PEAK1: variants seen among roughly 807,000 people sequenced by gnomAD.
The protein encoded by PEAK1 is pseudopodium enriched atypical kinase 1, also known as inactive tyrosine-protein kinase PEAK1.
A neutral mutation model predicts 124.7 loss-of-function variants in PEAK1; 54 were observed. The observed-to-expected ratio is 0.43, with a 90% confidence interval of 0.35 to 0.54. The LOEUF (loss-of-function observed/expected upper bound fraction) is 0.54. Ranked by LOEUF, PEAK1 falls within the 20% of genes least tolerant of loss-of-function variation. The probability of loss-of-function intolerance (pLI) is 0.01; values close to 1 mark genes in which losing one functional copy is unlikely to be tolerated. For synonymous variants in PEAK1, 719 were observed against 760.0 expected (o/e 0.95, Z 0.89); for missense variants, 2,046 against 2,134.5 (o/e 0.96, Z 0.82).
chr15:77,166,344 A>C (rs1371934283), intron 7 of PEAK1, among the ~76,000 whole-genome samples: 1 of 152,250 alleles, frequency 6.6e-6, no homozygotes, highest in East Asian at 1.9e-4. Context: ...AATAGTGGCC[A>C]AAATTTACAT....
chr15:77,212,942 A>G (rs1365161335), intron 6 of PEAK1, among the ~76,000 whole-genome samples: 1 of 152,208 alleles, frequency 6.6e-6, no homozygotes, highest in East Asian at 1.9e-4. Context: ...GTTCAGTGTT[A>G]GCAAAAGTGA....
At chr15:77,392,346 A>G (rs2070538702) in intron 1 of PEAK1, among the ~76,000 whole-genome samples, 1 of 152,250 alleles carries the variant, frequency 6.6e-6, no homozygotes, top group Non-Finnish European at 1.5e-5. Flanking sequence ...CTATGTGAAA[A>G]AAGAGTAATA....
At chr15:77,404,082 T>C (rs1364027034) in intron 1 of PEAK1, 1 of 984,952 alleles carries the variant, frequency 1.0e-6, no homozygotes, top group Non-Finnish European at 1.2e-6. Context: ...TGAGAGTTAC[T>C]GCAAATAATA....
chr15:77,183,192 A>T (rs2057371978), intron 6 of PEAK1, among the ~76,000 whole-genome samples: 1 of 152,252 alleles, frequency 6.6e-6, no homozygotes, highest in Non-Finnish European at 1.5e-5. Flanking sequence ...TTCTAAATTC[A>T]GTACCCACAA....
chr15:77,197,949 AAGAT>A (rs199893633), intron 6 of PEAK1, among the ~76,000 whole-genome samples: 1,705 of 152,268 alleles, frequency 0.011, 38 homozygotes, highest in African/African-American at 0.038. Flanking sequence ...AATTATGAAA[AAGAT>A]AGGTATGTCA....
chr15:77,235,204 G>A lies in PEAK1; in HGVS notation c.-115+17163C>T, dbSNP rs2060067515. On this transcript the variant is annotated intron_variant, in intron 6 of 9. Coordinates refer to ENST00000682557, the MANE Select transcript of PEAK1 (RefSeq NM_001385026.1). ...GCTAATACAATAAATTGGTACCAAGGTCACAGGGGACTGCTGTAAAGATAC... is the reference window on the plus strand; with the variant it reads ...GCTAATACAATAAATTGGTACCAAGATCACAGGGGACTGCTGTAAAGATAC... Among the ~76,000 whole-genome samples, 5 of 151,918 alleles carry A rather than the reference G, an allele frequency of 3.3e-5. No homozygotes were observed. In the South Asian group the frequency reaches 1.0e-3, roughly 31 times the overall value.
At chr15:77,140,655 G>A (rs1407433084) in intron 8 of PEAK1, among the ~76,000 whole-genome samples, 1 of 151,892 alleles carries the variant, frequency 6.6e-6, no homozygotes, top group Non-Finnish European at 1.5e-5. Context: ...AATGATAAAA[G>A]ACTGGAAATT....
chr15:77,207,535 T>C (rs1280543965), intron 6 of PEAK1, among the ~76,000 whole-genome samples: 2 of 152,190 alleles, frequency 1.3e-5, no homozygotes, highest in African/African-American at 4.8e-5. Flanking sequence ...AGAAGAACCT[T>C]GAATGCACAT....
At chr15:77,258,980 T>C (rs1421543712) in intron 5 of PEAK1, among the ~76,000 whole-genome samples, 1 of 152,224 alleles carries the variant, frequency 6.6e-6, no homozygotes, top group African/African-American at 2.4e-5. Flanking sequence ...TCTATTGAGA[T>C]AATCATGTGG....
At chr15:77,239,737 C>T (rs1240706035) in intron 6 of PEAK1, 6 of 645,914 alleles carry the variant, frequency 9.3e-6, no homozygotes, top group Non-Finnish European at 1.2e-5. Flanking sequence ...ACAAACTGAG[C>T]AAGATTATGG....
chr15:77,125,137 AG>A (rs2052264850), intron 9 of PEAK1, among the ~76,000 whole-genome samples: 1 of 152,244 alleles, frequency 6.6e-6, no homozygotes, highest in Admixed American at 6.5e-5. Context: ...TGAAGGGTCA[AG>A]AAATATTTAT....
At chr15:77,375,100 AT>A (rs1246090675) in intron 1 of PEAK1, among the ~76,000 whole-genome samples, 1 of 152,226 alleles carries the variant, frequency 6.6e-6, no homozygotes, top group Admixed American at 6.5e-5. Flanking sequence ...ACTAACATGA[AT>A]TTAAGCAGAA....
chr15:77,373,399 G>A (rs1345940465), intron 1 of PEAK1, among the ~76,000 whole-genome samples: 1 of 152,056 alleles, frequency 6.6e-6, no homozygotes, highest in African/African-American at 2.4e-5. Context: ...TGTCTCTTAT[G>A]GTTAGAGAAC....
chr15:77,370,828 G>C, intron 1 of PEAK1: 1 of 738,008 alleles, frequency 1.4e-6, no homozygotes, highest in Non-Finnish European at 1.7e-6. Flanking sequence ...TCAGGAGTTC[G>C]AGACCATCCT....
chr15:77,408,293 A>C (rs1402254709), intron 1 of PEAK1, among the ~76,000 whole-genome samples: 1 of 151,954 alleles, frequency 6.6e-6, no homozygotes, highest in Non-Finnish European at 1.5e-5. Context: ...CAGGAATGGA[A>C]AACCTGAGAA....
At chr15:77,342,220 G>A (rs1275941928) in intron 2 of PEAK1, among the ~76,000 whole-genome samples, 11 of 149,634 alleles carry the variant, frequency 7.4e-5, no homozygotes, top group Admixed American at 5.3e-4. Flanking sequence ...GTACAATTCA[G>A]TAATGTTAAG....
At chr15:77,271,728 C>G (rs538239925) in intron 5 of PEAK1, among the ~76,000 whole-genome samples, 1 of 152,222 alleles carries the variant, frequency 6.6e-6, no homozygotes, top group South Asian at 2.1e-4. Flanking sequence ...GGCAACTGAA[C>G]AGTGAGAACA....
rs576460354 is a variant in PEAK1, at chr15:77,182,785, C to G, written c.-114-745G>C. On this transcript the variant is annotated intron_variant, in intron 6 of 9. Transcript: ENST00000682557. Reference sequence around the variant, plus strand: ...AAAAAAAAAAGGCTGAAAAGGAGACCAGGGGCCAGATCATGCAAGGCCTTT... The same window carrying G: ...AAAAAAAAAAGGCTGAAAAGGAGACGAGGGGCCAGATCATGCAAGGCCTTT... Among the ~76,000 whole-genome samples, 323 of 126,900 alleles carry G rather than the reference C, an allele frequency of 2.5e-3. 2 individuals carry two copies. The highest frequency in any genetic ancestry group is 8.7e-3 in the African/African-American group (311 of 35,558). The allele number at this position is 126,900 out of a possible 152,430, so 83.3% of individuals were successfully genotyped here.
At chr15:77,254,120 T>C in intron 5 of PEAK1, among the ~76,000 whole-genome samples, 1 of 152,174 alleles carries the variant, frequency 6.6e-6, no homozygotes, top group Non-Finnish European at 1.5e-5. Flanking sequence ...GCGCCTGGCC[T>C]ATCTTTGGAC....
Sources: allele counts gnomAD v4.1 joint callset (sites outside exome capture counted in the v4.1 genomes callset), GRCh38; gene constraint gnomAD v4.1.1; transcripts MANE v1.5; gene names NCBI Gene and HGNC (gene_info 2026-07-23, HGNC 2026-07-21).